Variants in GALNTL6 observed in about 807,000 individuals in gnomAD.
GALNTL6 encodes polypeptide N-acetylgalactosaminyltransferase-like 6.
GALNTL6 carries 46 observed loss-of-function variants against 73.7 expected under a neutral mutation model. That is an observed-to-expected ratio of 0.62 (90% CI 0.49 to 0.80). The LOEUF is 0.80. Ranked by LOEUF, GALNTL6 falls within the 30% of genes least tolerant of loss-of-function variation. The pLI is 0.00. For synonymous variants in GALNTL6, 259 were observed against 263.7 expected (o/e 0.98, Z 0.17); for missense variants, 604 against 755.0 (o/e 0.80, Z 2.34).
chr4:172,219,216 T>G (rs1020668724), intron 2 of GALNTL6, among the ~76,000 whole-genome samples: 1 of 146,878 alleles, frequency 6.8e-6, no homozygotes, highest in African/African-American at 2.5e-5. Context: ...TATATATATA[T>G]ATATATAATC....
At chr4:171,996,867 T>C (rs1740509489) in intron 2 of GALNTL6, among the ~76,000 whole-genome samples, 1 of 152,092 alleles carries the variant, frequency 6.6e-6, no homozygotes, top group African/African-American at 2.4e-5. Flanking sequence ...GCATAGTGCC[T>C]AATAAACACC....
chr4:172,541,661 C>T (rs374954786), intron 5 of GALNTL6, among the ~76,000 whole-genome samples: 21 of 152,286 alleles, frequency 1.4e-4, no homozygotes, highest in South Asian at 1.0e-3. Context: ...AGGTTTTATA[C>T]GTAGATATGC....
chr4:172,098,565 A>G (rs190319044), intron 2 of GALNTL6, among the ~76,000 whole-genome samples: 2 of 152,284 alleles, frequency 1.3e-5, no homozygotes, highest in East Asian at 3.9e-4. Flanking sequence ...ATGCAGCCAA[A>G]TGGGAAACCA....
intron 2 of GALNTL6, among the ~76,000 whole-genome samples, chr4:172,170,598 C>T (rs960425070): frequency 2.6e-5 from 4 of 151,284 alleles, no homozygotes; most frequent in Non-Finnish European, 4.4e-5. Context: ...CAACCTCCTC[C>T]GCTTTCCGAG....
chr4:172,288,066 C>T (rs1739324518), intron 3 of GALNTL6, among the ~76,000 whole-genome samples: 1 of 151,584 alleles, frequency 6.6e-6, no homozygotes, highest in Non-Finnish European at 1.5e-5. Context: ...TCCCAGTGTA[C>T]CTGTAATAAT....
chr4:172,519,695 G>A (rs1734716428), intron 5 of GALNTL6, among the ~76,000 whole-genome samples: 1 of 151,660 alleles, frequency 6.6e-6, no homozygotes, highest in South Asian at 2.1e-4. Flanking sequence ...GAAATAGATT[G>A]AACTGAGTTG....
At chr4:172,567,974 A>T (rs1219821575) in intron 5 of GALNTL6, among the ~76,000 whole-genome samples, 1 of 152,186 alleles carries the variant, frequency 6.6e-6, no homozygotes, top group Non-Finnish European at 1.5e-5. Flanking sequence ...TTATTTAAAC[A>T]TTTCCTTAGT....
intron 5 of GALNTL6, among the ~76,000 whole-genome samples, chr4:172,575,129 A>T (rs535255858): frequency 6.6e-6 from 1 of 152,198 alleles, no homozygotes; most frequent in Non-Finnish European, 1.5e-5. Context: ...AGCCTTGCCG[A>T]TACAACTCTG....
At position 172,758,451 on chromosome 4, in the gene GALNTL6, G is replaced by T. The variant is rs146442363; in HGVS notation, c.554-50910G>T. Among the ~76,000 whole-genome samples, 469 of 152,290 alleles carry T rather than the reference G, an allele frequency of 3.1e-3. 3 individuals are homozygous for T. The highest frequency in any genetic ancestry group is 0.011 in the African/African-American group (446 of 41,566). On this transcript the variant is annotated intron_variant, in intron 5 of 12. Coordinates refer to ENST00000506823, the MANE Select transcript of GALNTL6 (RefSeq NM_001034845.3). ...CTTGGGAGGCTGAGGCAGGAGAATTGCTTGAACCCAGGAGGCAGAGGTTTC... is the reference window on the plus strand; with the variant it reads ...CTTGGGAGGCTGAGGCAGGAGAATTTCTTGAACCCAGGAGGCAGAGGTTTC...
rs79059896 is a variant in GALNTL6, at chr4:172,738,412, G to A, written c.554-70949G>A. ...TATATTTGGACTTTTTGTTGTTGCT[G>A]TTGGTGTTTGTTGTAATGGGGAATG... On this transcript the variant is annotated intron_variant, in intron 5 of 12. Transcript: ENST00000506823. Among the ~76,000 whole-genome samples the A allele has an allele frequency of 8.0e-3, 1,219 of 152,196 alleles. 18 individuals carry two copies. Among genetic ancestry groups the A allele is most frequent in the African/African-American group, 0.028 (1,176 of 41,516 alleles).
At position 172,394,713 on chromosome 4, in the gene GALNTL6, T is replaced by A. The variant is rs1039994750; in HGVS notation, c.553+46024T>A. Among the ~76,000 whole-genome samples the A allele has an allele frequency of 3.3e-5, 5 of 152,178 alleles. No homozygotes were observed. In the South Asian group the frequency reaches 6.2e-4, roughly 19 times the overall value. The stretch of plus-strand genomic sequence containing the variant: ...TCCCAAAGTGCTGGGATTACAGGCA[T>A]GAGCCACCACGCCCGGCCCTTCTTT... On this transcript the variant is annotated intron_variant, in intron 5 of 12. Coordinates refer to ENST00000506823, the MANE Select transcript of GALNTL6 (RefSeq NM_001034845.3).
intron 3 of GALNTL6, among the ~76,000 whole-genome samples, chr4:172,269,771 A>C (rs1007366817): frequency 5.3e-5 from 8 of 150,568 alleles, no homozygotes; most frequent in African/African-American, 2.0e-4. Flanking sequence ...TTATTTTTTG[A>C]GACAGAGTTT....
At chr4:172,096,084 C>CTGTGTGTGTGTGTGTGTG (rs138495979) in intron 2 of GALNTL6, among the ~76,000 whole-genome samples, 238 of 147,184 alleles carry the variant, frequency 1.6e-3, no homozygotes, top group African/African-American at 5.6e-3. Context: ...CTCTCTCTTT[C>CTGTGTGTGTGTGTGTGTG]TGTGTGTGTG....
At chr4:172,311,875 A>G (rs1740376875) in intron 4 of GALNTL6, 123 bp downstream of exon 4, 1 of 657,546 alleles carries the variant, frequency 1.5e-6, no homozygotes, top group Admixed American at 3.0e-5. Context: ...TAATTTTGAT[A>G]AAAACTCATA....
At chr4:172,169,977 A>G (rs184221105) in intron 2 of GALNTL6, among the ~76,000 whole-genome samples, 22 of 152,350 alleles carry the variant, frequency 1.4e-4, no homozygotes, top group Non-Finnish European at 2.8e-4. Context: ...GAAAACTGAG[A>G]GTTGGAGTTG....
At chr4:172,714,992 C>CA (rs34333805) in intron 5 of GALNTL6, among the ~76,000 whole-genome samples, 1 of 149,624 alleles carries the variant, frequency 6.7e-6, no homozygotes, top group African/African-American at 2.5e-5. Context: ...ACATTTACTT[C>CA]AAAAAAAAAA....
chr4:173,033,186 G>C (rs1753541704), intron 12 of GALNTL6, among the ~76,000 whole-genome samples: 1 of 151,990 alleles, frequency 6.6e-6, no homozygotes, highest in Non-Finnish European at 1.5e-5. Context: ...TTTTTTAGTA[G>C]AGATGGGGTT....
intron 10 of GALNTL6, among the ~76,000 whole-genome samples, chr4:172,995,777 C>A (rs1026102838): frequency 1.3e-5 from 2 of 152,176 alleles, no homozygotes; most frequent in African/African-American, 4.8e-5. Flanking sequence ...TGCCTGCTTT[C>A]ATGTTTCTGA....
intron 3 of GALNTL6, among the ~76,000 whole-genome samples, chr4:172,270,161 T>G (rs993835030): frequency 6.6e-6 from 1 of 151,712 alleles, no homozygotes; most frequent in Non-Finnish European, 1.5e-5. Flanking sequence ...TCCTTTTACT[T>G]CTCTGTCCAC....
Sources: allele counts gnomAD v4.1 joint callset (sites outside exome capture counted in the v4.1 genomes callset), GRCh38; gene constraint gnomAD v4.1.1; transcripts MANE v1.5; gene names NCBI Gene and HGNC (gene_info 2026-07-23, HGNC 2026-07-21).